Variants in DAB1 observed in about 807,000 individuals in gnomAD.
DAB1 encodes the protein disabled homolog 1.
Under a neutral mutation model 64.6 loss-of-function variants are expected in DAB1, and 15 were observed. The observed-to-expected ratio is 0.23, with a 90% CI of 0.16 to 0.36. The LOEUF is 0.36. DAB1 is among the 10% of genes least tolerant of loss of function. DAB1 has a pLI of 1.00. For synonymous variants in DAB1, 235 were observed against 251.9 expected, an observed-to-expected ratio of 0.93 and a Z score of 0.64; for missense variants, 596 against 706.7, an observed-to-expected ratio of 0.84 and a Z score of 1.78.
intron 7 of DAB1, among the ~76,000 whole-genome samples, chr1:57,449,181 T>C (rs895378423): frequency 2.0e-5 from 3 of 152,156 alleles, no homozygotes; most frequent in Non-Finnish European, 4.4e-5. Context: ...AGGAGAAATG[T>C]GTAAATCTAA....
chr1:57,152,493 C>T (rs1331091208), intron 2 of DAB1, among the ~76,000 whole-genome samples: 1 of 152,124 alleles, frequency 6.6e-6, no homozygotes, highest in African/African-American at 2.4e-5. Flanking sequence ...ATAGAGTTGC[C>T]TGGAAACCAA....
At chr1:58,522,560 TA>T (rs1205669211) in intron 2 of DAB1, among the ~76,000 whole-genome samples, 4 of 152,114 alleles carry the variant, frequency 2.6e-5, no homozygotes, top group Non-Finnish European at 5.9e-5. Context: ...GCTATTGCAA[TA>T]AAGCAAAAAT....
At chr1:57,278,543 T>G (rs1444233191) in intron 2 of DAB1, among the ~76,000 whole-genome samples, 1 of 152,122 alleles carries the variant, frequency 6.6e-6, no homozygotes, top group Non-Finnish European at 1.5e-5. Context: ...GTGAAAACAG[T>G]ACACTGAGAA....
At chr1:57,069,481 A>G in intron 7 of DAB1, 56 bp from the exon 8 acceptor site, 4 of 1,446,130 alleles carry the variant, frequency 2.8e-6, no homozygotes, top group Non-Finnish European at 3.9e-6. Context: ...AGAAAGGTAA[A>G]ACAAGCATTT....
At chr1:57,229,459 G>C (rs984565183) in intron 2 of DAB1, among the ~76,000 whole-genome samples, 6 of 151,784 alleles carry the variant, frequency 4.0e-5, no homozygotes, top group Non-Finnish European at 7.4e-5. Flanking sequence ...CCTCCCAAAA[G>C]GCTGGGATTA....
At chr1:58,432,580 G>T (rs1644891887) in intron 3 of DAB1, among the ~76,000 whole-genome samples, 1 of 152,104 alleles carries the variant, frequency 6.6e-6, no homozygotes, top group Non-Finnish European at 1.5e-5. Flanking sequence ...GTACTTATCT[G>T]GTCATAGAAC....
intron 6 of DAB1, among the ~76,000 whole-genome samples, chr1:57,761,154 C>T (rs1341011590): frequency 1.3e-5 from 2 of 152,154 alleles, no homozygotes; most frequent in Non-Finnish European, 2.9e-5. Context: ...TGATAATTCA[C>T]TTTTGATTTT....
intron 3 of DAB1, among the ~76,000 whole-genome samples, chr1:58,480,344 C>A (rs1324518717): frequency 1.3e-5 from 2 of 152,156 alleles, no homozygotes; most frequent in Non-Finnish European, 2.9e-5. Flanking sequence ...GCACCAGGAA[C>A]ACGCTGTATC....
chr1:57,431,423 G>A (rs193080379), intron 7 of DAB1, among the ~76,000 whole-genome samples: 1 of 152,230 alleles, frequency 6.6e-6, no homozygotes, highest in East Asian at 1.9e-4. Context: ...TAAGTAAAAT[G>A]TCCAATTGCT....
chr1:57,954,963 T>C (rs1645358486), intron 5 of DAB1, among the ~76,000 whole-genome samples: 1 of 152,200 alleles, frequency 6.6e-6, no homozygotes, highest in Admixed American at 6.5e-5. Context: ...ATAAAGCCAC[T>C]TTCAGCTTTG....
chr1:57,833,350 A>G (rs993647318), intron 1 of DAB1, among the ~76,000 whole-genome samples: 1 of 152,218 alleles, frequency 6.6e-6, no homozygotes, highest in Non-Finnish European at 1.5e-5. Flanking sequence ...CATGTTTCAC[A>G]TCGTACCAAG....
intron 3 of DAB1, among the ~76,000 whole-genome samples, chr1:58,361,624 C>CT (rs1644168033): frequency 6.6e-6 from 1 of 152,086 alleles, no homozygotes; most frequent in Admixed American, 6.5e-5. Context: ...CAGCCTTGCC[C>CT]TTTTTTCTGA....
chr1:57,356,827 C>G (rs890584297), intron 1 of DAB1, among the ~76,000 whole-genome samples: 2 of 151,956 alleles, frequency 1.3e-5, no homozygotes, highest in Non-Finnish European at 2.9e-5. Context: ...AATTAACTGC[C>G]TCTCGCAATA....
chr1:57,560,994 A>T (rs541307048), intron 7 of DAB1, among the ~76,000 whole-genome samples: 21 of 152,180 alleles, frequency 1.4e-4, no homozygotes, highest in Non-Finnish European at 2.9e-4. Flanking sequence ...CTAGCCATAA[A>T]GTGGGTCATG....
intron 9 of DAB1, among the ~76,000 whole-genome samples, chr1:57,054,548 G>A (rs377635731): frequency 5.3e-5 from 7 of 130,998 alleles, no homozygotes; most frequent in Non-Finnish European, 1.1e-4. Flanking sequence ...TGCAATTTCC[G>A]CTCGCTGCAA....
At chr1:58,037,090 C>A (rs192936854) in intron 5 of DAB1, among the ~76,000 whole-genome samples, 1 of 152,102 alleles carries the variant, frequency 6.6e-6, no homozygotes, top group African/African-American at 2.4e-5. Context: ...TTCCCTTAGA[C>A]CGCTATCATT....
chr1:57,940,797 C>A (rs576943740), intron 5 of DAB1, among the ~76,000 whole-genome samples: 7 of 152,274 alleles, frequency 4.6e-5, no homozygotes, highest in African/African-American at 1.7e-4. Flanking sequence ...AAGCCCTTGG[C>A]AAAGTGTGTG....
At chr1:57,088,509 C>G (rs1653320480) in intron 4 of DAB1, among the ~76,000 whole-genome samples, 1 of 152,154 alleles carries the variant, frequency 6.6e-6, no homozygotes, top group African/African-American at 2.4e-5. Flanking sequence ...AAGATTGGGC[C>G]CATCTCCCAG....
chr1:57,650,021 TA>T (rs1646237828), intron 6 of DAB1, among the ~76,000 whole-genome samples: 2 of 152,254 alleles, frequency 1.3e-5, no homozygotes. Context: ...TCTGACTTTC[TA>T]AAGGGCTTGG....
Sources: gnomAD v4.1 joint callset for allele counts (sites outside exome capture counted in the v4.1 genomes callset) on GRCh38, gnomAD v4.1.1 for gene constraint, MANE v1.5 for transcripts, NCBI Gene and HGNC (gene_info 2026-07-23, HGNC 2026-07-21) for gene names.